Variants in ZZEF1 observed in about 807,000 individuals in gnomAD.
ZZEF1 encodes the protein zinc finger ZZ-type and EF-hand domain containing 1.
In ZZEF1, 157 loss-of-function variants were observed where a neutral mutation model predicts 342.8. The ratio of observed to expected loss-of-function variants is 0.46; its 90% CI spans 0.40 to 0.52. The LOEUF (loss-of-function observed/expected upper bound fraction) is 0.52, where lower values mean the gene tolerates loss of function less well. ZZEF1 is among the 20% of genes least tolerant of loss of function. The pLI, the probability that ZZEF1 is intolerant of heterozygous loss-of-function variation, is 0.00. For missense variants in ZZEF1, 3,480 were observed against 3,725.6 expected (o/e 0.93, Z 1.72); for synonymous variants, 1,505 against 1,429.1 (o/e 1.05, Z -1.20).
rs77449887 is a variant in ZZEF1 at position 4,124,947 on chromosome 17, T to G, written c.355-896A>C. 5.0e-3 allele frequency among the ~76,000 whole-genome samples: 761 copies of G among 152,336 alleles called. 7 individuals are homozygous for G. Among genetic ancestry groups the G allele is most frequent in the African/African-American group, 0.017 (721 of 41,578 alleles). ...ACTCTGCTATGTGACCTTACCTAAG[T>G]TTCTTTACCTCCATAAGCCACAGCT... On this transcript the variant is annotated intron_variant, in intron 1 of 54. Transcript: ENST00000381638.
At chr17:4,140,622 C>T (rs2058828149) in intron 1 of ZZEF1, among the ~76,000 whole-genome samples, 1 of 152,178 alleles carries the variant, frequency 6.6e-6, no homozygotes, top group South Asian at 2.1e-4. Flanking sequence ...TGCCACAACC[C>T]CTGAGTGATT....
At chr17:4,093,465 G>A (rs541421737) in intron 11 of ZZEF1, among the ~76,000 whole-genome samples, 3 of 152,202 alleles carry the variant, frequency 2.0e-5, no homozygotes, top group African/African-American at 2.4e-5. Context: ...GTATTGTAGA[G>A]AGGCTGACCG....
intron 41 of ZZEF1, 149 bp downstream of exon 41, chr17:4,032,679 C>T (rs2056574501): frequency 1.3e-6 from 1 of 741,960 alleles, no homozygotes; most frequent in Admixed American, 2.9e-5. Context: ...CTTGACAATA[C>T]TTCAATACTA....
intron 43 of ZZEF1, among the ~76,000 whole-genome samples, chr17:4,024,189 T>TTC: frequency 8.1e-6 from 1 of 123,758 alleles, no homozygotes; most frequent in Non-Finnish European, 1.6e-5. Flanking sequence ...TGCCCAGGTT[T>TTC]TTTTTTTTTT....
At chr17:4,055,270 G>T (rs2057133499) in intron 33 of ZZEF1, among the ~76,000 whole-genome samples, 1 of 152,164 alleles carries the variant, frequency 6.6e-6, no homozygotes, top group Non-Finnish European at 1.5e-5. Flanking sequence ...ATATGCGAGA[G>T]AAAAAGCCAC....
intron 2 of ZZEF1, 39 bp from the exon 3 acceptor site, chr17:4,117,205 C>A: frequency 6.4e-7 from 1 of 1,558,024 alleles, no homozygotes. Flanking sequence ...TTTGGGGAAG[C>A]CACAGTAGTT....
Position 4,102,305 on chromosome 17 carries a change from C to G in ZZEF1, c.1672+12G>C. 1.9e-6 allele frequency: 3 copies of G among 1,612,184 alleles called. No homozygotes were observed. The highest frequency in any genetic ancestry group is 2.5e-6 in the Non-Finnish European group (3 of 1,178,386). On this transcript the variant is annotated intron_variant, in intron 9 of 54. Transcript: ENST00000381638. ...ACCGAGCACACTAGAAACAGACAGA[C>G]CCACCACTCACCATCCCTTGTCCAC... is the stretch of plus-strand genomic sequence containing the variant.
In ZZEF1 at chr17:4,029,373, G is replaced by T. The variant is rs2056485955; in HGVS notation, c.6892+2753C>A. ...ACATCAAACTTTTAAATAATCCACA[G>T]AGCAAAGAAAAAAAAAATCACAAGA... On this transcript the variant is annotated intron_variant, in intron 42 of 54. Transcript: ENST00000381638. 2.1e-5 allele frequency among the ~76,000 whole-genome samples: 3 copies of T among 146,060 alleles called. No homozygotes were observed. The South Asian group carries it at 6.4e-4, about 31-fold the overall frequency.
chr17:4,118,530 G>C (rs1166743363), intron 2 of ZZEF1, among the ~76,000 whole-genome samples: 6 of 152,156 alleles, frequency 3.9e-5, no homozygotes, highest in African/African-American at 1.4e-4. Flanking sequence ...TATGACCCAA[G>C]CGGCAGAGCA....
At chr17:4,052,604 T>C (rs933991997) in intron 34 of ZZEF1, among the ~76,000 whole-genome samples, 4 of 152,212 alleles carry the variant, frequency 2.6e-5, no homozygotes, top group Non-Finnish European at 5.9e-5. Context: ...TTGTGGCTCA[T>C]GCCTGTAATC....
rs150551650 is a variant in ZZEF1, at chr17:4,012,910, T to C, written c.8579+539A>G. ...ATAAATTTAACAAAATGTTAAGTCC[T>C]CTACATAGAAACCTCTAAAATATTA... On this transcript the variant is annotated intron_variant, in intron 52 of 54. Transcript: ENST00000381638. 5.5e-4 allele frequency among the ~76,000 whole-genome samples: 83 copies of C among 152,262 alleles called. 1 individual carries two copies. The highest frequency in any genetic ancestry group is 1.0e-4 in the Non-Finnish European group (7 of 68,018).
chr17:4,124,468 G>A (rs972599596), intron 1 of ZZEF1, among the ~76,000 whole-genome samples: 3 of 152,120 alleles, frequency 2.0e-5, no homozygotes, highest in African/African-American at 7.2e-5. Flanking sequence ...TTGAGACACA[G>A]TTTCTTTCTT....
At chr17:4,128,345 T>TAAAA (rs74340131) in intron 1 of ZZEF1, among the ~76,000 whole-genome samples, 1 of 81,564 alleles carries the variant, frequency 1.2e-5, no homozygotes, top group Non-Finnish European at 2.2e-5. Context: ...CAGACTGTCT[T>TAAAA]AAAAAAAAAA....
rs115308142 is a variant in ZZEF1 at position 4,094,233 on chromosome 17, C to T, written c.1913+1598G>A. On this transcript the variant is annotated intron_variant, in intron 11 of 54. Coordinates refer to ENST00000381638, the MANE Select transcript of ZZEF1 (RefSeq NM_015113.4). Reference sequence around the variant, plus strand: ...GACAGTTCACTGCAGCCTCAACCTCCGGGGCTCAAGGGATCCTCCCGCCTC... The same window carrying T: ...GACAGTTCACTGCAGCCTCAACCTCTGGGGCTCAAGGGATCCTCCCGCCTC... 8.0e-3 allele frequency among the ~76,000 whole-genome samples: 1,222 copies of T among 152,236 alleles called. 14 individuals carry two copies. Among genetic ancestry groups the T allele is most frequent in the African/African-American group, 0.028 (1,166 of 41,530 alleles).
At chr17:4,026,766 T>C (rs2056415377) in intron 42 of ZZEF1, among the ~76,000 whole-genome samples, 2 of 152,236 alleles carry the variant, frequency 1.3e-5, no homozygotes, top group Middle Eastern at 3.4e-3. Flanking sequence ...GTTATCGGCC[T>C]GCCTCAGCCT....
In ZZEF1 at chr17:4,052,069, G is replaced by C. The variant is rs927654377; in HGVS notation, c.5502C>G (p.His1834Gln). ...TCCGGCCTATGATCAAACCCTGGCA[G>C]TGGTCACAGGTAAACTCCATGTTGA... Reference protein sequence around the residue: ...EMVNMEFTCDHCQGLIIGRRM... With the variant: ...EMVNMEFTCDQCQGLIIGRRM... The change falls in exon 35 of 55, where the codon CAC becomes CAG. Residue 1834 changes from histidine (H) to glutamine (Q), a missense_variant. By Grantham distance (24) the His-to-Gln change is conservative (BLOSUM62 0). Transcript: ENST00000381638. 3.1e-6 allele frequency: 5 copies of C among 1,614,032 alleles called. No individual in the cohort carries two copies. In the African/African-American group the frequency reaches 4.0e-5, roughly 13 times the overall value.
intron 52 of ZZEF1, 129 bp from the exon 53 acceptor site, chr17:4,009,886 C>T: frequency 9.0e-7 from 1 of 1,112,646 alleles, no homozygotes; most frequent in Non-Finnish European, 1.3e-6. Flanking sequence ...TATAAAGTCG[C>T]CTCACCTATG....
At chr17:4,092,920 G>A (rs1274197096) in intron 11 of ZZEF1, among the ~76,000 whole-genome samples, 2 of 151,114 alleles carry the variant, frequency 1.3e-5, no homozygotes, top group Admixed American at 6.6e-5. Flanking sequence ...TGACCCTGGA[G>A]CATGCTGACT....
At chr17:4,075,670 C>G (rs2057598242) in intron 21 of ZZEF1, among the ~76,000 whole-genome samples, 1 of 152,150 alleles carries the variant, frequency 6.6e-6, no homozygotes, top group Admixed American at 6.5e-5. Flanking sequence ...CAGCTTGTAC[C>G]TTTTCGCTAT....
Sources: gnomAD v4.1 joint callset for allele counts (sites outside exome capture counted in the v4.1 genomes callset) on GRCh38, gnomAD v4.1.1 for gene constraint, MANE v1.5 for transcripts, NCBI Gene and HGNC (gene_info 2026-07-23, HGNC 2026-07-21) for gene names.